Variants in ZNF880 observed in about 807,000 individuals in gnomAD.
The protein encoded by ZNF880 is zinc finger protein LOC400713.
A neutral mutation model predicts 11.8 loss-of-function variants in ZNF880; 12 were observed. The observed-to-expected ratio is 1.02, with a 90% CI of 0.65 to 1.65. The LOEUF is 1.65. ZNF880 is among the 40% of genes most tolerant of loss of function. The probability of loss-of-function intolerance (pLI) is 0.00; values close to 1 mark genes in which losing one functional copy is unlikely to be tolerated. For missense variants in ZNF880, 601 were observed against 673.9 expected, an observed-to-expected ratio of 0.89 and a Z score of 1.20; for synonymous variants, 210 against 232.4, an observed-to-expected ratio of 0.90 and a Z score of 0.88.
chr19:52,374,242 A>T, intron 2 of ZNF880, 57 bp from the exon 3 acceptor site: 1 of 1,419,772 alleles, frequency 7.0e-7, no homozygotes, highest in Non-Finnish European at 9.5e-7. Context: ...TTTAGTAGAG[A>T]TGGGGTTTCA....
intron 1 of ZNF880, among the ~76,000 whole-genome samples, chr19:52,372,267 C>G (rs910742632): frequency 1.3e-5 from 2 of 150,524 alleles, no homozygotes; most frequent in Middle Eastern, 3.5e-3. Flanking sequence ...TTATGTTGTC[C>G]ACAAAATTAG....
chr19:52,377,294 CCT>C (rs1986582904), intron 3 of ZNF880, among the ~76,000 whole-genome samples: 1 of 151,944 alleles, frequency 6.6e-6, no homozygotes, highest in Non-Finnish European at 1.5e-5. Flanking sequence ...CGTCTCAACC[CCT>C]CTTTGCCTCT....
downstream of ZNF880, among the ~76,000 whole-genome samples, chr19:52,386,171 C>CCA (rs1491494492): frequency 7.5e-4 from 58 of 77,352 alleles, 5 homozygotes; most frequent in East Asian, 0.019. Context: ...GACTCTGTCT[C>CCA]AAAAAAAAAA....
At position 52,372,316 on chromosome 19, in the gene ZNF880, C is replaced by G. The variant is rs868400341; in HGVS notation, c.13-795C>G. ...TTTTTTTTTTTTTTGGAGACAGAGT[C>G]TCGCTCAGTTGCCCAGGCTGGAGTG... is the stretch of plus-strand genomic sequence containing the variant. On this transcript the variant is annotated intron_variant, in intron 1 of 3. Transcript: ENST00000422689. Among the ~76,000 whole-genome samples, 163 of 145,454 alleles carry G rather than the reference C, an allele frequency of 1.1e-3. 1 individual carries two copies. Among genetic ancestry groups the G allele is most frequent in the Admixed American group, 3.5e-3 (51 of 14,620 alleles).
In ZNF880 at chr19:52,384,867, T is replaced by A. The variant is rs758723381; in HGVS notation, c.1287T>A (p.Ile429=). 6.5e-7 allele frequency: 1 copy of A among 1,536,696 alleles called. No individual in the cohort carries two copies. ...DCSGLTAHLL[I]HTGEKPYKCK... ...CAGGCCTTACTGCCCATCTACTAATTCACACTGGAGAGAAACCTTACAAAT... is the reference window on the plus strand; with the variant it reads ...CAGGCCTTACTGCCCATCTACTAATACACACTGGAGAGAAACCTTACAAAT... Residue 429 remains isoleucine (I), a synonymous_variant, in exon 4 of 4, where the codon ATT becomes ATA. Transcript: ENST00000422689.
At chr19:52,390,290 C>T (rs776787243), downstream of ZNF880, 7 of 368,348 alleles carry the variant, frequency 1.9e-5, no homozygotes, top group South Asian at 9.4e-5. Context: ...CCATCTGCTC[C>T]GCTCCCTCGT....
chr19:52,397,641 C>T, the ZNF880 span: 1 of 151,860 alleles, frequency 6.6e-6, no homozygotes, highest in Non-Finnish European at 1.5e-5. Context: ...TGGATATAAT[C>T]TACAACCGAT....
intron 3 of ZNF880, among the ~76,000 whole-genome samples, chr19:52,378,674 C>T (rs1456541528): frequency 6.7e-6 from 1 of 149,604 alleles, no homozygotes; most frequent in Non-Finnish European, 1.5e-5. Context: ...AAAGAAAGAT[C>T]CTTTATTGGA....
intron 3 of ZNF880, among the ~76,000 whole-genome samples, chr19:52,379,049 T>G (rs935126286): frequency 3.9e-5 from 6 of 152,042 alleles, no homozygotes; most frequent in African/African-American, 1.4e-4. Flanking sequence ...AACTCCAGCC[T>G]TAGTACAGAG....
At chr19:52,376,536 G>A (rs1293777323) in intron 3 of ZNF880, among the ~76,000 whole-genome samples, 8 of 95,504 alleles carry the variant, frequency 8.4e-5, no homozygotes, top group African/African-American at 1.6e-4. Context: ...TTGAGACAGC[G>A]TCTTGCTCTG....
chr19:52,393,544 A>G, the ZNF880 span, among the ~76,000 whole-genome samples: 2 of 152,094 alleles, frequency 1.3e-5, no homozygotes, highest in Non-Finnish European at 1.5e-5. Context: ...AGTGATACCA[A>G]TCTTTTGTTG....
chr19:52,379,356 G>A, intron 3 of ZNF880: 1 of 414,358 alleles, frequency 2.4e-6, no homozygotes. Context: ...ATTTTTGTCA[G>A]TTACGTTTAT....
Position 52,385,099 on chromosome 19 carries a change from C to T in ZNF880, c.1519C>T (p.Leu507Phe), listed in dbSNP as rs1490006992. 1 of 1,558,820 alleles carries T rather than the reference C, an allele frequency of 6.4e-7. No individual in the cohort carries two copies. Among genetic ancestry groups the T allele is most frequent in the South Asian group, 1.2e-5 (1 of 84,600 alleles). The change falls in exon 4 of 4, where the codon CTT becomes TTT. Residue 507 changes from leucine to phenylalanine, a missense_variant. By Grantham distance (22) the Leu-to-Phe change is conservative. Transcript: ENST00000422689. The part of the protein sequence containing the change: ...CHKVFSHNSH[L>F]ARHRQIHTGE... ...CAAAGTCTTTAGTCACAATTCACAC[C>T]TTGCACGACATAGGCAAATTCATAC...
downstream of ZNF880, chr19:52,390,251 G>A (rs906884727): frequency 2.4e-5 from 7 of 291,514 alleles, no homozygotes; most frequent in African/African-American, 6.9e-5. Flanking sequence ...AGTCCTCACC[G>A]CAAGGTTGAT....
chr19:52,385,341 T>A lies in ZNF880; in HGVS notation c.*27T>A. ...ATGTGTGTGGTAAGATCTTTAGTAA[T>A]AATTCACACCTTGCACAGCATGAGA... On this transcript the variant is annotated 3_prime_UTR_variant, in exon 4 of 4. Coordinates refer to ENST00000422689, the MANE Select transcript of ZNF880 (RefSeq NM_001145434.2). 1.9e-6 allele frequency: 3 copies of A among 1,544,100 alleles called. No individual in the cohort carries two copies. Among genetic ancestry groups the A allele is most frequent in the Non-Finnish European group, 2.6e-6 (3 of 1,141,232 alleles).
At chr19:52,373,669 ATTTTTTTT>A (rs35788651) in intron 2 of ZNF880, among the ~76,000 whole-genome samples, 5 of 102,578 alleles carry the variant, frequency 4.9e-5, no homozygotes, top group African/African-American at 1.9e-4. Flanking sequence ...AAATACTGTA[ATTTTTTTT>A]TTTTTTTTTT....
chr19:52,367,495 G>A (rs1472005413), upstream of ZNF880: 1 of 152,196 alleles, frequency 6.6e-6, no homozygotes, highest in African/African-American at 2.4e-5. Context: ...TACCTCAGGA[G>A]GATACTTTAT....
chr19:52,373,273 C>T, intron 2 of ZNF880, 36 bp downstream of exon 2: 1 of 1,584,146 alleles, frequency 6.3e-7, no homozygotes, highest in Non-Finnish European at 8.6e-7. Context: ...CAAGATCTGC[C>T]CTGGTGTATT....
Position 52,384,224 on chromosome 19 carries a change from AT to A in ZNF880, c.645del (p.Asn215LysfsTer130). The A allele has an allele frequency of 6.2e-7, 1 of 1,612,734 alleles. No homozygotes were observed. The highest frequency in any genetic ancestry group is 8.5e-7 in the Non-Finnish European group (1 of 1,179,146). ...IHTADNPYKC[N>X]ECDKVFSNSS... ...ACTGCAGATAACCCTTACAAATGTA[AT>A]GAATGTGACAAGGTCTTCAGTAACA... On this transcript the variant is annotated frameshift_variant, in exon 4 of 4. Coordinates refer to ENST00000422689, the MANE Select transcript of ZNF880 (RefSeq NM_001145434.2). LOFTEE classifies it low-confidence loss of function (END_TRUNC).
Sources: allele counts gnomAD v4.1 joint callset (sites outside exome capture counted in the v4.1 genomes callset), GRCh38; gene constraint gnomAD v4.1.1; transcripts MANE v1.5; gene names NCBI Gene and HGNC (gene_info 2026-07-23, HGNC 2026-07-21).